The following FSHR variants were observed in gnomAD, a reference collection of about 807,000 sequenced individuals.
The protein encoded by FSHR is follicle-stimulating hormone receptor.
A neutral mutation model predicts 52.1 loss-of-function variants in FSHR; 46 were observed. The ratio of observed to expected loss-of-function variants is 0.88; its 90% CI spans 0.70 to 1.13. The LOEUF is 1.13. Ranked by LOEUF, FSHR falls within the 50% of genes most tolerant of loss-of-function variation. The pLI is 0.00. For synonymous variants in FSHR, 399 were observed against 309.6 expected, an observed-to-expected ratio of 1.29 and a Z score of -3.03; for missense variants, 964 against 834.6, an observed-to-expected ratio of 1.16 and a Z score of -1.91.
intron 6 of FSHR, among the ~76,000 whole-genome samples, chr2:48,983,478 T>C (rs1406793169): frequency 6.6e-6 from 1 of 152,194 alleles, no homozygotes; most frequent in Non-Finnish European, 1.5e-5. Context: ...ACATCATTTG[T>C]GTGTAGAGAA....
chr2:49,136,558 G>T (rs1672496172), intron 1 of FSHR, among the ~76,000 whole-genome samples: 1 of 151,942 alleles, frequency 6.6e-6, no homozygotes, highest in African/African-American at 2.4e-5. Flanking sequence ...AACATCACAA[G>T]CAAGTAAAAC....
intron 1 of FSHR, among the ~76,000 whole-genome samples, chr2:49,150,539 T>C (rs1673025442): frequency 6.6e-6 from 1 of 152,072 alleles, no homozygotes; most frequent in African/African-American, 2.4e-5. Flanking sequence ...GTAATCCTCA[T>C]AGCATCTCTG....
intron 1 of FSHR, among the ~76,000 whole-genome samples, chr2:49,108,476 A>G (rs1383725604): frequency 1.3e-5 from 2 of 151,554 alleles, no homozygotes; most frequent in Non-Finnish European, 2.9e-5. Flanking sequence ...CTCACTCCTT[A>G]TTTTTCCCTA....
Position 49,154,396 on chromosome 2 carries a change from A to G in FSHR, c.22T>C (p.Leu8=). Reference sequence around the variant, plus strand: ...GAGCCCAAGCTCAGGAATGCCAGCAAAGAGACCAGGAGCAGGGCCATAATT... The same window carrying G: ...GAGCCCAAGCTCAGGAATGCCAGCAGAGAGACCAGGAGCAGGGCCATAATT... MALLLVS[L]LAFLSLGSGC... is the part of the protein sequence containing the mutation. Residue 8 remains leucine (L), a synonymous_variant, in exon 1 of 10, where the codon TTG becomes CTG. Coordinates refer to ENST00000406846, the MANE Select transcript of FSHR (RefSeq NM_000145.4). 1 of 1,612,854 alleles carries G rather than the reference A, an allele frequency of 6.2e-7. No individual in the cohort carries two copies. Among genetic ancestry groups the G allele is most frequent in the Non-Finnish European group, 8.5e-7 (1 of 1,179,900 alleles).
At chr2:49,148,986 G>T (rs765872380) in intron 1 of FSHR, among the ~76,000 whole-genome samples, 34 of 151,890 alleles carry the variant, frequency 2.2e-4, no homozygotes, top group Non-Finnish European at 3.2e-4. Context: ...GGATTGATAA[G>T]AAAGACATAA....
chr2:49,082,792 A>G (rs1670225486), intron 1 of FSHR, among the ~76,000 whole-genome samples: 1 of 152,162 alleles, frequency 6.6e-6, no homozygotes. Flanking sequence ...GGAAGTTTAG[A>G]GAAAAAAGAA....
intron 1 of FSHR, among the ~76,000 whole-genome samples, chr2:49,091,753 A>G (rs1264717867): frequency 6.6e-6 from 1 of 152,212 alleles, no homozygotes; most frequent in African/African-American, 2.4e-5. Flanking sequence ...TCTTTTTGCC[A>G]ATGTTATGTT....
intron 4 of FSHR, among the ~76,000 whole-genome samples, chr2:49,005,900 G>T (rs573880207): frequency 5.9e-5 from 9 of 152,136 alleles, no homozygotes; most frequent in Non-Finnish European, 1.0e-4. Flanking sequence ...GAGTCAGTGG[G>T]CTGGGAAAGG....
chr2:48,997,139 G>C, intron 4 of FSHR: 3 of 806,770 alleles, frequency 3.7e-6, no homozygotes, highest in Non-Finnish European at 4.5e-6. Context: ...GGTTCCAGTG[G>C]TCTCTCTAGC....
At chr2:49,089,045 TGAA>T (rs1178643127) in intron 1 of FSHR, among the ~76,000 whole-genome samples, 2 of 151,092 alleles carry the variant, frequency 1.3e-5, no homozygotes, top group Non-Finnish European at 2.9e-5. Flanking sequence ...CAGAGAAAAG[TGAA>T]GAAGACTTAG....
At chr2:48,972,769 A>G (rs879673015) in intron 8 of FSHR, among the ~76,000 whole-genome samples, 1 of 152,224 alleles carries the variant, frequency 6.6e-6, no homozygotes, top group African/African-American at 2.4e-5. Flanking sequence ...GACCAAGACC[A>G]TCATTGCCTC....
chr2:48,969,987 G>C (rs1333799449), intron 8 of FSHR, among the ~76,000 whole-genome samples: 2 of 152,194 alleles, frequency 1.3e-5, no homozygotes, highest in African/African-American at 4.8e-5. Context: ...ACCAGGATGA[G>C]TTCATTTTAG....
At position 48,977,267 on chromosome 2, in the gene FSHR, A is replaced by T. The variant is rs148475886; in HGVS notation, c.668+5645T>A. On this transcript the variant is annotated intron_variant, in intron 8 of 9. Transcript: ENST00000406846. Reference sequence around the variant, plus strand: ...GTTATTTAGAATAGTTATTCTGGGCAATCATACTTGGAGGAGTAAAGGGAA... The same window carrying T: ...GTTATTTAGAATAGTTATTCTGGGCTATCATACTTGGAGGAGTAAAGGGAA... 9.8e-5 allele frequency among the ~76,000 whole-genome samples: 15 copies of T among 152,314 alleles called. No individual in the cohort carries two copies. The East Asian group carries it at 2.5e-3, about 25-fold the overall frequency.
At chr2:49,109,920 G>C (rs979534534) in intron 1 of FSHR, among the ~76,000 whole-genome samples, 3 of 152,104 alleles carry the variant, frequency 2.0e-5, no homozygotes, top group Non-Finnish European at 2.9e-5. Flanking sequence ...TAGAGATAAA[G>C]AGTAAGAAAA....
Position 49,113,935 on chromosome 2 carries a change from C to T in FSHR, c.152+40331G>A, listed in dbSNP as rs2103760471. ...GACTTCAGAGTTGTCTCAAGTGAGCCTTGTCACCCCCATTAAGAACATGGA... is the reference window on the plus strand; with the variant it reads ...GACTTCAGAGTTGTCTCAAGTGAGCTTTGTCACCCCCATTAAGAACATGGA... On this transcript the variant is annotated intron_variant, in intron 1 of 9. Coordinates refer to ENST00000406846, the MANE Select transcript of FSHR (RefSeq NM_000145.4). 2.6e-5 allele frequency among the ~76,000 whole-genome samples: 4 copies of T among 152,252 alleles called. No individual in the cohort carries two copies. The Middle Eastern group carries it at 0.01, about 388-fold the overall frequency.
At chr2:49,000,299 G>C (rs537763952) in intron 4 of FSHR, among the ~76,000 whole-genome samples, 2 of 152,284 alleles carry the variant, frequency 1.3e-5, no homozygotes, top group East Asian at 3.9e-4. Flanking sequence ...AACCAGATTA[G>C]GGTAAAAAGA....
At chr2:48,978,040 A>AC (rs1675071193) in intron 8 of FSHR, among the ~76,000 whole-genome samples, 1 of 152,194 alleles carries the variant, frequency 6.6e-6, no homozygotes, top group African/African-American at 2.4e-5. Flanking sequence ...ACCAGTGGAT[A>AC]CCCCATGGGA....
chr2:49,011,855 T>C (rs1166517018), intron 4 of FSHR, among the ~76,000 whole-genome samples: 1 of 152,064 alleles, frequency 6.6e-6, no homozygotes, highest in Non-Finnish European at 1.5e-5. Flanking sequence ...GTTCAGCTTT[T>C]ATAACCAGAA....
intron 2 of FSHR, among the ~76,000 whole-genome samples, chr2:49,041,430 G>A (rs1668477750): frequency 1.3e-5 from 2 of 152,168 alleles, no homozygotes; most frequent in Non-Finnish European, 2.9e-5. Flanking sequence ...CAGAAATCAT[G>A]AATTATACTA....
Sources: gnomAD v4.1 joint callset for allele counts (sites outside exome capture counted in the v4.1 genomes callset) on GRCh38, gnomAD v4.1.1 for gene constraint, MANE v1.5 for transcripts, NCBI Gene and HGNC (gene_info 2026-07-23, HGNC 2026-07-21) for gene names.